Variants in GABRG3 observed in about 807,000 individuals in gnomAD.
GABRG3 encodes the protein gamma-aminobutyric acid type A receptor subunit gamma3.
A neutral mutation model predicts 48.8 loss-of-function variants in GABRG3; 25 were observed. The observed-to-expected ratio is 0.51, with a 90% CI of 0.37 to 0.72. GABRG3 has a LOEUF of 0.72. GABRG3 is among the 30% of genes least tolerant of loss of function. The pLI is 0.00. For missense variants in GABRG3, 394 were observed against 577.9 expected (o/e 0.68, Z 3.26); for synonymous variants, 227 against 217.6 (o/e 1.04, Z -0.38).
At chr15:27,224,154 G>T (rs1224448394) in intron 3 of GABRG3, among the ~76,000 whole-genome samples, 2 of 152,214 alleles carry the variant, frequency 1.3e-5, no homozygotes, top group Non-Finnish European at 2.9e-5. Flanking sequence ...GCATGGCGGT[G>T]AGGGCCTTGC....
At chr15:27,253,693 T>C (rs985287570) in intron 3 of GABRG3, among the ~76,000 whole-genome samples, 1 of 152,234 alleles carries the variant, frequency 6.6e-6, no homozygotes, top group Non-Finnish European at 1.5e-5. Context: ...CCGCAGGAGC[T>C]TCCCTCGATG....
chr15:27,501,173 G>C lies in GABRG3; in HGVS notation c.713-18799G>C, dbSNP rs8034554. On this transcript the variant is annotated intron_variant, in intron 6 of 9. Transcript: ENST00000615808. ...TCACCGTGTTAACCAGGATGGTCTC[G>C]ATCTCCTGACCTCGTGATCTGCCCA... is the stretch of plus-strand genomic sequence containing the variant. 2.2e-3 allele frequency among the ~76,000 whole-genome samples: 334 copies of C among 152,140 alleles called. 3 individuals carry two copies. Among genetic ancestry groups the C allele is most frequent in the East Asian group, 4.8e-3 (25 of 5,162 alleles).
chr15:27,156,808 C>T (rs1898440899), intron 3 of GABRG3, among the ~76,000 whole-genome samples: 1 of 152,196 alleles, frequency 6.6e-6, no homozygotes, highest in East Asian at 1.9e-4. Flanking sequence ...GGGCCATGAA[C>T]ATTTGGAACT....
At chr15:27,008,884 G>A (rs762973329) in intron 2 of GABRG3, among the ~76,000 whole-genome samples, 1 of 152,146 alleles carries the variant, frequency 6.6e-6, no homozygotes, top group Non-Finnish European at 1.5e-5. Context: ...CACCTCGCTA[G>A]GGGCTGAGTC....
intron 5 of GABRG3, chr15:27,420,620 A>G (rs1888084725): frequency 6.6e-6 from 1 of 152,210 alleles, no homozygotes; most frequent in Admixed American, 6.5e-5. Flanking sequence ...TTCACAGTGT[A>G]TACATATATC....
At position 27,236,334 on chromosome 15, in the gene GABRG3, C is replaced by T. The variant is rs919423096; in HGVS notation, c.271-90475C>T. On this transcript the variant is annotated intron_variant, in intron 3 of 9. Coordinates refer to ENST00000615808, the MANE Select transcript of GABRG3 (RefSeq NM_033223.5). This position sits in a 1 kb window ranked among gnomAD's most constrained non-coding sequence, Gnocchi z 4.4. ...CAGAGCTGAGCTTCTGAGAAATAAG[C>T]ATCAAATGCTAAGGTCCCCAGCCCA... Among the ~76,000 whole-genome samples, 4 of 152,122 alleles carry T rather than the reference C, an allele frequency of 2.6e-5. No individual in the cohort carries two copies. Among genetic ancestry groups the T allele is most frequent in the Admixed American group, 6.5e-5 (1 of 15,268 alleles).
chr15:27,000,758 T>G (rs1895429284), intron 2 of GABRG3, among the ~76,000 whole-genome samples: 1 of 152,168 alleles, frequency 6.6e-6, no homozygotes, highest in Admixed American at 6.5e-5. Flanking sequence ...GCACCATGCT[T>G]CCAGTACAGC....
At chr15:27,190,208 T>C (rs1847375102) in intron 3 of GABRG3, among the ~76,000 whole-genome samples, 1 of 152,164 alleles carries the variant, frequency 6.6e-6, no homozygotes, top group South Asian at 2.1e-4. Flanking sequence ...GTGTCTCTGC[T>C]GGGCTTTGGT....
At position 27,249,214 on chromosome 15, in the gene GABRG3, G is replaced by A. The variant is rs185112482; in HGVS notation, c.271-77595G>A. On this transcript the variant is annotated intron_variant, in intron 3 of 9. Coordinates refer to ENST00000615808, the MANE Select transcript of GABRG3 (RefSeq NM_033223.5). ...CCCAGATACCCTGGGAGTGCGTGGC[G>A]CTCCGGGGAGGCTGCTCCTCCGCGT... is the stretch of plus-strand genomic sequence containing the variant. Among the ~76,000 whole-genome samples the A allele has an allele frequency of 1.2e-3, 180 of 152,270 alleles. 2 individuals carry two copies. The East Asian group carries it at 0.029, about 25-fold the overall frequency.
intron 3 of GABRG3, among the ~76,000 whole-genome samples, chr15:27,173,001 G>A (rs759394338): frequency 5.3e-5 from 8 of 152,080 alleles, no homozygotes; most frequent in South Asian, 4.1e-4. Context: ...TGTACCCTGC[G>A]TCATTTGGGT....
chr15:27,035,839 T>A (rs1896168213), intron 3 of GABRG3, among the ~76,000 whole-genome samples: 1 of 152,108 alleles, frequency 6.6e-6, no homozygotes, highest in Non-Finnish European at 1.5e-5. Flanking sequence ...CTGGAAAGGC[T>A]GAGTTACACA....
chr15:27,401,119 A>C (rs991642507), intron 5 of GABRG3, among the ~76,000 whole-genome samples: 2 of 152,226 alleles, frequency 1.3e-5, no homozygotes, highest in Non-Finnish European at 2.9e-5. Context: ...CTCACATCGT[A>C]TTACAATGAT....
intron 5 of GABRG3, among the ~76,000 whole-genome samples, chr15:27,441,138 C>A (rs1429620494): frequency 6.6e-6 from 1 of 152,174 alleles, no homozygotes; most frequent in Non-Finnish European, 1.5e-5. Context: ...AGGGCAGATA[C>A]TTCTAATTTG....
At chr15:27,139,259 C>T (rs563343316) in intron 3 of GABRG3, among the ~76,000 whole-genome samples, 32 of 152,234 alleles carry the variant, frequency 2.1e-4, no homozygotes, top group Non-Finnish European at 4.3e-4. Context: ...GAAACTGCGG[C>T]TGGTTTGGGG....
chr15:27,092,093 A>G (rs1234769385), intron 3 of GABRG3, among the ~76,000 whole-genome samples: 1 of 152,086 alleles, frequency 6.6e-6, no homozygotes, highest in Non-Finnish European at 1.5e-5. Context: ...CAGTTCTTTT[A>G]CTGTGGAGTT....
intron 3 of GABRG3, among the ~76,000 whole-genome samples, chr15:27,223,640 A>T (rs895657156): frequency 5.9e-5 from 9 of 152,316 alleles, no homozygotes; most frequent in Non-Finnish European, 8.8e-5. Context: ...GTTTGCAAAA[A>T]TGTTTAAAAT....
intron 3 of GABRG3, among the ~76,000 whole-genome samples, chr15:27,150,841 G>C (rs1898298263): frequency 6.6e-6 from 1 of 152,168 alleles, no homozygotes; most frequent in South Asian, 2.1e-4. Flanking sequence ...GAAAGGAACA[G>C]GCACTTCAGA....
chr15:27,328,311 A>C (rs1371774719), intron 4 of GABRG3, among the ~76,000 whole-genome samples: 1 of 152,164 alleles, frequency 6.6e-6, no homozygotes, highest in Non-Finnish European at 1.5e-5. Context: ...TAGACACTGA[A>C]ATATGGGGCT....
chr15:27,288,866 C>G (rs920363631), intron 3 of GABRG3, among the ~76,000 whole-genome samples: 2 of 152,180 alleles, frequency 1.3e-5, no homozygotes, highest in Non-Finnish European at 2.9e-5. Flanking sequence ...TAGTGCAAGT[C>G]TCTTGGCAAT....
Sources: allele counts gnomAD v4.1 joint callset (sites outside exome capture counted in the v4.1 genomes callset), GRCh38; gene constraint gnomAD v4.1.1; non-coding constraint Gnocchi (gnomAD v3.1); transcripts MANE v1.5; gene names NCBI Gene and HGNC (gene_info 2026-07-23, HGNC 2026-07-21).